The following CA13 variants were observed in gnomAD, a reference collection of about 807,000 sequenced individuals.
CA13 encodes the protein CA-XIII.
Under a neutral mutation model 31.5 loss-of-function variants are expected in CA13, and 21 were observed. The ratio of observed to expected loss-of-function variants is 0.67; its 90% CI spans 0.47 to 0.96. The LOEUF (loss-of-function observed/expected upper bound fraction) is 0.96. CA13 is among the 40% of genes least tolerant of loss of function. The pLI is 0.00. For missense variants in CA13, 315 were observed against 318.9 expected (o/e 0.99, Z 0.09); for synonymous variants, 117 against 111.4 (o/e 1.05, Z -0.32).
intron 6 of CA13, among the ~76,000 whole-genome samples, chr8:85,278,789 TA>T (rs1193177577): frequency 6.6e-6 from 1 of 152,166 alleles, no homozygotes; most frequent in East Asian, 1.9e-4. Context: ...ATTAAAAGGA[TA>T]GGGGAAAATA....
intron 3 of CA13, among the ~76,000 whole-genome samples, chr8:85,261,677 C>T (rs562052135): frequency 1.3e-4 from 20 of 152,176 alleles, no homozygotes; most frequent in South Asian, 4.2e-4. Context: ...CTGTCTGCCT[C>T]GGACTCCCAA....
intron 3 of CA13, among the ~76,000 whole-genome samples, chr8:85,263,241 G>A (rs1452483426): frequency 1.3e-5 from 2 of 152,206 alleles, no homozygotes; most frequent in Admixed American, 1.3e-4. Flanking sequence ...GTCCTGATGA[G>A]GCAGGCAGGG....
intron 1 of CA13, among the ~76,000 whole-genome samples, chr8:85,249,181 A>G (rs527643047): frequency 1.3e-5 from 2 of 152,302 alleles, no homozygotes; most frequent in East Asian, 3.9e-4. Flanking sequence ...TTTTGCAAAA[A>G]TGAGGCATAG....
chr8:85,250,999 C>CTAT, intron 2 of CA13, 62 bp downstream of exon 2: 1 of 903,650 alleles, frequency 1.1e-6, no homozygotes, highest in Non-Finnish European at 1.6e-6. Context: ...TTAGACTATA[C>CTAT]TCTTTTTTTT....
chr8:85,248,339 C>T (rs1232552844), intron 1 of CA13, among the ~76,000 whole-genome samples: 3 of 152,082 alleles, frequency 2.0e-5, no homozygotes, highest in East Asian at 1.9e-4. Context: ...TGCCTGTAAT[C>T]CCAGCTACTT....
chr8:85,276,255 T>TCCC (rs1026955446), intron 6 of CA13, among the ~76,000 whole-genome samples: 2 of 151,786 alleles, frequency 1.3e-5, no homozygotes, highest in African/African-American at 2.4e-5. Context: ...GCTGCCTTCC[T>TCCC]CCCCCCGGGG....
intron 6 of CA13, among the ~76,000 whole-genome samples, chr8:85,275,033 G>C (rs926199416): frequency 1.3e-5 from 2 of 152,178 alleles, no homozygotes; most frequent in African/African-American, 4.8e-5. Flanking sequence ...ATATCCAAAG[G>C]AATCCATCAG....
At chr8:85,276,051 G>T (rs1160429188) in intron 6 of CA13, among the ~76,000 whole-genome samples, 2 of 152,200 alleles carry the variant, frequency 1.3e-5, no homozygotes, top group South Asian at 2.1e-4. Context: ...CAGGTTGCTG[G>T]GAGGTGTGGA....
intron 6 of CA13, among the ~76,000 whole-genome samples, chr8:85,273,495 A>G (rs1233618078): frequency 6.6e-6 from 1 of 152,074 alleles, no homozygotes; most frequent in Non-Finnish European, 1.5e-5. Flanking sequence ...CGGGGCCTGA[A>G]AGCTTAAGGG....
chr8:85,268,615 C>T lies in CA13; in HGVS notation c.657C>T (p.Ile219=). 1 of 1,612,874 alleles carries T rather than the reference C, an allele frequency of 6.2e-7. No homozygotes were observed. The highest frequency in any genetic ancestry group is 2.2e-5 in the East Asian group (1 of 44,808). The change falls in exon 6 of 7, where the codon ATC becomes ATT. Residue 219 remains isoleucine, a synonymous_variant. Transcript: ENST00000321764. Reference sequence around the variant, plus strand: ...TTGTTTTAAAGCAACCTATAAACATCAGCTCTCAACAGGTACATAATCTCT... The same window carrying T: ...TTGTTTTAAAGCAACCTATAAACATTAGCTCTCAACAGGTACATAATCTCT... ...TWIVLKQPIN[I]SSQQLAKFRS... is the part of the protein sequence containing the mutation.
chr8:85,274,520 G>A (rs901456861), intron 6 of CA13, among the ~76,000 whole-genome samples: 2 of 152,160 alleles, frequency 1.3e-5, no homozygotes, highest in African/African-American at 2.4e-5. Flanking sequence ...TGTTTGAAGC[G>A]ATTTCTAGAA....
intron 6 of CA13, among the ~76,000 whole-genome samples, chr8:85,274,383 C>T (rs1433653762): frequency 1.3e-5 from 2 of 152,000 alleles, no homozygotes; most frequent in Non-Finnish European, 2.9e-5. Flanking sequence ...CAGGAGGAAC[C>T]CAATGATGAA....
intron 1 of CA13, among the ~76,000 whole-genome samples, chr8:85,248,753 T>C (rs1813774497): frequency 1.3e-5 from 2 of 152,232 alleles, no homozygotes; most frequent in South Asian, 2.1e-4. Context: ...CTTTTTAAAA[T>C]AGTTCTGTTT....
chr8:85,253,902 C>A (rs1006921259), intron 2 of CA13, among the ~76,000 whole-genome samples: 47 of 152,174 alleles, frequency 3.1e-4, no homozygotes, highest in African/African-American at 8.2e-4. Flanking sequence ...AAAGTTTATA[C>A]CACATAAGTG....
At chr8:85,248,860 C>T (rs1012757249) in intron 1 of CA13, among the ~76,000 whole-genome samples, 5 of 151,986 alleles carry the variant, frequency 3.3e-5, no homozygotes, top group African/African-American at 9.7e-5. Flanking sequence ...ACATGCATTG[C>T]GCATTTGAAA....
chr8:85,276,137 CG>C lies in CA13; in HGVS notation c.670-5091del, dbSNP rs1224891934. On this transcript the variant is annotated intron_variant, in intron 6 of 6. Transcript: ENST00000321764. ...CACGAGTTCCGGGTGGGCGTGGGCT[CG>C]GTGGGTCCCGCACTCGGAGCGGCGG... Among the ~76,000 whole-genome samples, 4 of 152,102 alleles carry C rather than the reference CG, an allele frequency of 2.6e-5. No homozygotes were observed. In the East Asian group the frequency reaches 5.8e-4, roughly 22 times the overall value.
At chr8:85,246,554 A>G (rs1813734479) in intron 1 of CA13, 1 of 454,780 alleles carries the variant, frequency 2.2e-6, no homozygotes, top group Non-Finnish European at 4.4e-6. Flanking sequence ...GCAAAGGATT[A>G]CTGAAATTAT....
intron 3 of CA13, 114 bp from the exon 4 acceptor site, chr8:85,266,494 A>G (rs1270140961): frequency 5.7e-6 from 4 of 699,992 alleles, no homozygotes; most frequent in Non-Finnish European, 9.7e-6. Context: ...CTTGTGATAA[A>G]TACATTATAC....
rs776666466 is a variant in CA13 at position 85,259,494 on chromosome 8, C to A, written c.309C>A (p.Asp103Glu). 1 of 1,613,948 alleles carries A rather than the reference C, an allele frequency of 6.2e-7. No homozygotes were observed. Among genetic ancestry groups the A allele is most frequent in the South Asian group, 1.1e-5 (1 of 91,074 alleles). The stretch of plus-strand genomic sequence containing the variant: ...ACCTTCACTGGGGGTCCGCTGATGA[C>A]CACGGCTCCGAGCACATAGTAGATG... ...QVHLHWGSAD[D>E]HGSEHIVDGV... Residue 103 changes from aspartate to glutamate, a missense_variant, in exon 3 of 7, where the codon GAC becomes GAA. Coordinates refer to ENST00000321764, the MANE Select transcript of CA13 (RefSeq NM_198584.3).
Sources: gnomAD v4.1 joint callset for allele counts (sites outside exome capture counted in the v4.1 genomes callset) on GRCh38, gnomAD v4.1.1 for gene constraint, MANE v1.5 for transcripts, NCBI Gene and HGNC (gene_info 2026-07-23, HGNC 2026-07-21) for gene names.